Variants in ANKFN1 observed in about 807,000 individuals in gnomAD.
The protein encoded by ANKFN1 is ankyrin repeat and fibronectin type III domain containing 1, also known as ankyrin repeat and fibronectin type-III domain-containing protein 1.
ANKFN1 carries 74 observed loss-of-function variants against 108.7 expected under a neutral mutation model. That is an observed-to-expected ratio of 0.68 (90% CI 0.56 to 0.83). The LOEUF is 0.83. ANKFN1 is among the 40% of genes least tolerant of loss of function. The probability of loss-of-function intolerance (pLI) is 0.00; values close to 1 mark genes in which losing one functional copy is unlikely to be tolerated. For missense variants in ANKFN1, 1,505 were observed against 1,382.3 expected, an observed-to-expected ratio of 1.09 and a Z score of -1.41; for synonymous variants, 547 against 516.2, an observed-to-expected ratio of 1.06 and a Z score of -0.81.
chr17:56,139,445 A>G (rs1456298577), intron 4 of ANKFN1, among the ~76,000 whole-genome samples: 1 of 152,164 alleles, frequency 6.6e-6, no homozygotes, highest in Non-Finnish European at 1.5e-5. Context: ...TTGTGCCATT[A>G]GAATCAGGGG....
chr17:56,335,486 G>A (rs1005986682), intron 4 of ANKFN1, among the ~76,000 whole-genome samples: 6 of 152,094 alleles, frequency 3.9e-5, no homozygotes, highest in African/African-American at 1.4e-4. Context: ...TAGCAATTGA[G>A]AATGGGAGTT....
intron 1 of ANKFN1, among the ~76,000 whole-genome samples, chr17:56,170,643 G>C (rs140474586): frequency 1.5e-3 from 222 of 150,974 alleles, no homozygotes; most frequent in African/African-American, 5.2e-3. Context: ...CGTGCCCATA[G>C]TCTCAGCCAC....
intron 4 of ANKFN1, among the ~76,000 whole-genome samples, chr17:56,138,273 C>CA (rs1437001108): frequency 6.6e-6 from 1 of 151,926 alleles, no homozygotes; most frequent in Non-Finnish European, 1.5e-5. Flanking sequence ...ATTTAGATCT[C>CA]AAAAAAAGTC....
At position 56,511,394 on chromosome 17, in the gene ANKFN1, G is replaced by T; in HGVS notation, c.*125G>T. On this transcript the variant is annotated 3_prime_UTR_variant, in exon 21 of 21. Transcript: ENST00000682825. ...GCGTTTTGAATGTTATAAATACAAAGGTTACAAGTTCAAGGTCCTCTTTTT... is the reference window on the plus strand; with the variant it reads ...GCGTTTTGAATGTTATAAATACAAATGTTACAAGTTCAAGGTCCTCTTTTT... 1 of 1,108,314 alleles carries T rather than the reference G, an allele frequency of 9.0e-7. No individual in the cohort carries two copies. The highest frequency in any genetic ancestry group is 1.7e-5 in the South Asian group (1 of 59,596). The allele number at this position is 1,108,314 out of a possible 1,614,324, so 68.7% of individuals were successfully genotyped here.
At chr17:56,392,172 C>G (rs1364753665) in intron 8 of ANKFN1, among the ~76,000 whole-genome samples, 2 of 152,092 alleles carry the variant, frequency 1.3e-5, no homozygotes, top group African/African-American at 4.8e-5. Context: ...GTTGAGAAAA[C>G]TGAGATACAA....
chr17:56,339,354 A>G (rs1008774720), intron 4 of ANKFN1, among the ~76,000 whole-genome samples: 3 of 152,058 alleles, frequency 2.0e-5, no homozygotes, highest in Non-Finnish European at 4.4e-5. Context: ...CAGGTTTGTT[A>G]TATAGGTAAA....
At chr17:56,187,830 G>A (rs1405112213) in intron 1 of ANKFN1, among the ~76,000 whole-genome samples, 1 of 152,024 alleles carries the variant, frequency 6.6e-6, no homozygotes, top group African/African-American at 2.4e-5. Flanking sequence ...ACTATCGCAA[G>A]GACAGAAAAC....
At chr17:56,190,275 T>A (rs1912764584) in intron 1 of ANKFN1, among the ~76,000 whole-genome samples, 1 of 135,666 alleles carries the variant, frequency 7.4e-6, no homozygotes, top group South Asian at 2.7e-4. Context: ...TGTTTGCTCT[T>A]GCTTTTCTAG....
In ANKFN1 at chr17:56,316,396, C is replaced by T. The variant is rs907613796; in HGVS notation, c.54-9825C>T. Among the ~76,000 whole-genome samples, 20 of 152,114 alleles carry T rather than the reference C, an allele frequency of 1.3e-4. 1 individual carries two copies. The highest frequency in any genetic ancestry group is 4.8e-4 in the African/African-American group (20 of 41,482). On this transcript the variant is annotated intron_variant, in intron 3 of 20. Transcript: ENST00000682825. ...AAAATGGAGGAGGTATTTCTTATGG[C>T]AGTAGAAAGCTGAGCAATTTGGCAG... is the stretch of plus-strand genomic sequence containing the variant.
chr17:56,229,196 C>T (rs970534001), intron 3 of ANKFN1, among the ~76,000 whole-genome samples: 2 of 152,112 alleles, frequency 1.3e-5, no homozygotes, highest in Admixed American at 6.6e-5. Context: ...AAATGTCAGT[C>T]TCTGTATTAT....
At chr17:56,257,483 G>A (rs1225307473) in intron 3 of ANKFN1, among the ~76,000 whole-genome samples, 1 of 152,188 alleles carries the variant, frequency 6.6e-6, no homozygotes, top group East Asian at 1.9e-4. Context: ...ACAGGCTCAG[G>A]CCCTGCAGAC....
At chr17:56,433,577 T>A (rs909705940) in intron 8 of ANKFN1, among the ~76,000 whole-genome samples, 2 of 151,956 alleles carry the variant, frequency 1.3e-5, no homozygotes, top group African/African-American at 4.8e-5. Flanking sequence ...TACTCAGAAA[T>A]GGAAAAACCA....
chr17:56,321,861 A>G (rs2045377437), intron 3 of ANKFN1, among the ~76,000 whole-genome samples: 1 of 152,160 alleles, frequency 6.6e-6, no homozygotes, highest in Non-Finnish European at 1.5e-5. Context: ...GGGGCAGCTC[A>G]AGGACTGAAG....
At chr17:56,081,365 T>C (rs967165952) in intron 4 of ANKFN1, among the ~76,000 whole-genome samples, 1 of 152,154 alleles carries the variant, frequency 6.6e-6, no homozygotes, top group Non-Finnish European at 1.5e-5. Flanking sequence ...TTATTTTTAT[T>C]TTTTTGAGAC....
chr17:56,439,125 C>T (rs771310730), intron 8 of ANKFN1, among the ~76,000 whole-genome samples: 7 of 152,102 alleles, frequency 4.6e-5, no homozygotes, highest in Non-Finnish European at 8.8e-5. Context: ...GGAAAGCAAG[C>T]GAGATGCCCA....
intron 10 of ANKFN1, among the ~76,000 whole-genome samples, chr17:56,447,778 G>T (rs553273913): frequency 2.6e-5 from 4 of 152,214 alleles, no homozygotes; most frequent in African/African-American, 9.6e-5. Flanking sequence ...TTTAATGCTC[G>T]CAAATATCCT....
chr17:56,196,549 C>T (rs1461221496), intron 1 of ANKFN1, among the ~76,000 whole-genome samples: 1 of 152,008 alleles, frequency 6.6e-6, no homozygotes, highest in Non-Finnish European at 1.5e-5. Context: ...GTCTGGGAAA[C>T]ATAATGAGAC....
chr17:56,350,592 G>T (rs1413312136), intron 4 of ANKFN1, among the ~76,000 whole-genome samples, 174 bp from the exon 5 acceptor site: 2 of 151,924 alleles, frequency 1.3e-5, no homozygotes, highest in Non-Finnish European at 2.9e-5. Context: ...CCTTTCCCTG[G>T]GTTTCAGCTT....
chr17:56,353,740 G>A, intron 5 of ANKFN1, 96 bp from the exon 6 acceptor site: 1 of 1,036,966 alleles, frequency 9.6e-7, no homozygotes, highest in Non-Finnish European at 1.5e-6. Flanking sequence ...AAGTGGACAT[G>A]CAGTCCCTGA....
Sources: allele counts gnomAD v4.1 joint callset (sites outside exome capture counted in the v4.1 genomes callset), GRCh38; gene constraint gnomAD v4.1.1; transcripts MANE v1.5; gene names NCBI Gene and HGNC (gene_info 2026-07-23, HGNC 2026-07-21).